CDKAL1: variants seen among roughly 807,000 people sequenced by gnomAD.
CDKAL1 encodes the protein CDKAL1 threonylcarbamoyladenosine tRNA methylthiotransferase.
In CDKAL1, 32 loss-of-function variants were observed where a neutral mutation model predicts 68.2. The ratio of observed to expected loss-of-function variants is 0.47; its 90% CI spans 0.35 to 0.63. The LOEUF is 0.63. Among genes scored for constraint, CDKAL1 ranks in the 30% least tolerant of loss-of-function variants. CDKAL1 has a pLI of 0.00. For synonymous variants in CDKAL1, 234 were observed against 244.3 expected, an observed-to-expected ratio of 0.96 and a Z score of 0.39; for missense variants, 606 against 696.7, an observed-to-expected ratio of 0.87 and a Z score of 1.47.
intron 10 of CDKAL1, among the ~76,000 whole-genome samples, chr6:20,994,638 A>G (rs548464911): frequency 6.6e-6 from 1 of 152,330 alleles, no homozygotes; most frequent in African/African-American, 2.4e-5. Context: ...CCTCTGCAAA[A>G]TAGCAAATAT....
At chr6:20,660,680 G>A (rs1769245329) in intron 5 of CDKAL1, among the ~76,000 whole-genome samples, 2 of 152,196 alleles carry the variant, frequency 1.3e-5, no homozygotes, top group African/African-American at 2.4e-5. Context: ...TAGGAAAGGT[G>A]GATAAAAACC....
At chr6:20,951,026 A>T (rs1184594675) in intron 9 of CDKAL1, among the ~76,000 whole-genome samples, 2 of 151,946 alleles carry the variant, frequency 1.3e-5, no homozygotes, top group Non-Finnish European at 2.9e-5. Flanking sequence ...CACACCGGGT[A>T]GTGGGAGGTA....
At chr6:21,219,956 G>A (rs1171580869) in intron 15 of CDKAL1, among the ~76,000 whole-genome samples, 1 of 152,178 alleles carries the variant, frequency 6.6e-6, no homozygotes, top group East Asian at 1.9e-4. Flanking sequence ...ATGGTTTCGG[G>A]TGTGAGAGAC....
chr6:20,798,694 G>A (rs1482896458), intron 8 of CDKAL1, among the ~76,000 whole-genome samples: 7 of 145,990 alleles, frequency 4.8e-5, no homozygotes, highest in Admixed American at 1.4e-4. Context: ...GTTCTCACTC[G>A]TAGGTGGGAA....
intron 5 of CDKAL1, among the ~76,000 whole-genome samples, chr6:20,696,357 G>A (rs1455605266): frequency 6.6e-6 from 1 of 152,176 alleles, no homozygotes; most frequent in Non-Finnish European, 1.5e-5. Flanking sequence ...AGAGCTTTTA[G>A]GGTTAGACTG....
intron 13 of CDKAL1, among the ~76,000 whole-genome samples, chr6:21,110,208 G>C (rs1774051894): frequency 6.6e-6 from 1 of 152,134 alleles, no homozygotes. Flanking sequence ...TTTTATTCTG[G>C]ATGTACAGTA....
intron 7 of CDKAL1, among the ~76,000 whole-genome samples, chr6:20,763,260 A>G (rs1261553321): frequency 1.3e-5 from 2 of 152,004 alleles, no homozygotes; most frequent in Non-Finnish European, 2.9e-5. Context: ...CCCTAAGGTC[A>G]CAGCTCTTGT....
intron 9 of CDKAL1, among the ~76,000 whole-genome samples, chr6:20,945,824 C>T (rs1391244598): frequency 1.3e-5 from 2 of 152,148 alleles, no homozygotes; most frequent in Admixed American, 6.5e-5. Flanking sequence ...TTTCTATTTA[C>T]ATTTGTGAGT....
chr6:20,786,494 C>CTTTTTTTTTTTTTTTT (rs1197574844), intron 8 of CDKAL1, among the ~76,000 whole-genome samples: 13 of 80,734 alleles, frequency 1.6e-4, no homozygotes, highest in Admixed American at 1.7e-4. Flanking sequence ...TTTTTCTTAT[C>CTTTTTTTTTTTTTTTT]TTTTTTTTTT....
chr6:21,040,569 T>A (rs181855484), intron 11 of CDKAL1, among the ~76,000 whole-genome samples: 1 of 152,310 alleles, frequency 6.6e-6, no homozygotes, highest in African/African-American at 2.4e-5. Context: ...TTAAATAGAT[T>A]GAATAGCTTC....
chr6:21,207,517 G>A (rs6940465), intron 15 of CDKAL1, among the ~76,000 whole-genome samples: 21,721 of 151,390 alleles, frequency 0.14, 1,625 homozygotes, highest in East Asian at 0.22. Context: ...CTTATCTCAA[G>A]CAAAAAAAAA....
intron 5 of CDKAL1, among the ~76,000 whole-genome samples, chr6:20,689,969 A>C (rs746791088): frequency 6.6e-6 from 1 of 152,212 alleles, no homozygotes; most frequent in African/African-American, 2.4e-5. Context: ...TTTTAAAATC[A>C]TTTTGCCTCC....
At chr6:20,555,569 T>G (rs1170923279) in intron 4 of CDKAL1, among the ~76,000 whole-genome samples, 1 of 151,688 alleles carries the variant, frequency 6.6e-6, no homozygotes, top group Non-Finnish European at 1.5e-5. Flanking sequence ...TCTACCCATC[T>G]TGGCCTCCCA....
intron 12 of CDKAL1, among the ~76,000 whole-genome samples, chr6:21,092,971 G>C (rs1442855976): frequency 6.6e-6 from 1 of 151,046 alleles, no homozygotes; most frequent in Admixed American, 6.6e-5. Flanking sequence ...GAAAAATATA[G>C]AAAAATCAAA....
chr6:20,918,854 G>A (rs910870843), intron 9 of CDKAL1, among the ~76,000 whole-genome samples: 1 of 152,178 alleles, frequency 6.6e-6, no homozygotes. Flanking sequence ...ATAAGATGCT[G>A]AGGTGAGCAA....
At chr6:21,143,190 CA>C (rs1347569635) in intron 13 of CDKAL1, among the ~76,000 whole-genome samples, 1 of 152,162 alleles carries the variant, frequency 6.6e-6, no homozygotes, top group African/African-American at 2.4e-5. Flanking sequence ...GCTAAAAACA[CA>C]ATTTTGCCAG....
intron 8 of CDKAL1, among the ~76,000 whole-genome samples, chr6:20,790,348 TG>T (rs1306239503): frequency 6.6e-6 from 1 of 151,974 alleles, no homozygotes; most frequent in Non-Finnish European, 1.5e-5. Context: ...TAAGCACTGG[TG>T]GGGTGGGGGG....
chr6:21,188,850 A>G (rs1778125261), intron 13 of CDKAL1, among the ~76,000 whole-genome samples: 1 of 152,110 alleles, frequency 6.6e-6, no homozygotes, highest in African/African-American at 2.4e-5. Flanking sequence ...TTTATAGGCA[A>G]TACCTTTGAA....
At position 20,991,139 on chromosome 6, in the gene CDKAL1, G is replaced by A. The variant is rs527640944; in HGVS notation, c.910-9088G>A. Among the ~76,000 whole-genome samples, 9 of 152,300 alleles carry A rather than the reference G, an allele frequency of 5.9e-5. No homozygotes were observed. In the South Asian group the frequency reaches 8.3e-4, roughly 14 times the overall value. ...AAAAAGATATAAAAAACATAATATC[G>A]TTACAGCAGGGATGAAAGCATTATG... On this transcript the variant is annotated intron_variant, in intron 10 of 15. Transcript: ENST00000274695.
Sources: allele counts gnomAD v4.1 joint callset (sites outside exome capture counted in the v4.1 genomes callset), GRCh38; gene constraint gnomAD v4.1.1; transcripts MANE v1.5; gene names NCBI Gene and HGNC (gene_info 2026-07-23, HGNC 2026-07-21).